Variants in VAV3 observed in about 807,000 individuals in gnomAD.
The protein encoded by VAV3 is vav guanine nucleotide exchange factor 3, also known as guanine nucleotide exchange factor VAV3.
Under a neutral mutation model 131.2 loss-of-function variants are expected in VAV3, and 94 were observed. The observed-to-expected ratio is 0.72, with a 90% CI of 0.61 to 0.85. The LOEUF (loss-of-function observed/expected upper bound fraction) is 0.85, where lower values mean the gene tolerates loss of function less well. VAV3 is among the 40% of genes least tolerant of loss of function. VAV3 has a pLI of 0.00. For missense variants in VAV3, 939 were observed against 1,002.7 expected (o/e 0.94, Z 0.86); for synonymous variants, 349 against 342.0 (o/e 1.02, Z -0.22).
intron 2 of VAV3, among the ~76,000 whole-genome samples, chr1:107,856,826 C>T (rs114815073): frequency 0.015 from 2,354 of 152,254 alleles, 47 homozygotes; most frequent in African/African-American, 0.044. Context: ...CACTTGAGCA[C>T]AGGAGTTCAA....
At chr1:107,823,218 A>C (rs954876687) in intron 2 of VAV3, among the ~76,000 whole-genome samples, 2 of 152,252 alleles carry the variant, frequency 1.3e-5, no homozygotes, top group Non-Finnish European at 2.9e-5. Context: ...GACATGAGGG[A>C]ATCAAGAATA....
intron 2 of VAV3, among the ~76,000 whole-genome samples, chr1:107,838,752 AC>A (rs1668575342): frequency 6.6e-6 from 1 of 152,302 alleles, no homozygotes; most frequent in African/African-American, 2.4e-5. Flanking sequence ...ACCATGGGAT[AC>A]TGTGCAGCCC....
At chr1:107,855,476 C>T (rs1669425989) in intron 2 of VAV3, among the ~76,000 whole-genome samples, 1 of 151,996 alleles carries the variant, frequency 6.6e-6, no homozygotes, top group Non-Finnish European at 1.5e-5. Flanking sequence ...TGTGGTTTTG[C>T]CATGTTGCCC....
At chr1:107,848,770 G>C (rs1021787687) in intron 2 of VAV3, among the ~76,000 whole-genome samples, 3 of 152,168 alleles carry the variant, frequency 2.0e-5, no homozygotes, top group Non-Finnish European at 4.4e-5. Flanking sequence ...AATAGGAAGA[G>C]AGGAAGTCAA....
At chr1:107,862,885 C>T (rs192637579) in intron 2 of VAV3, 11 of 151,568 alleles carry the variant, frequency 7.3e-5, no homozygotes, top group African/African-American at 2.7e-4. Context: ...AATGATAAAC[C>T]CCAAATTTCT....
intron 1 of VAV3, among the ~76,000 whole-genome samples, chr1:107,933,367 T>C (rs1673549646): frequency 1.3e-5 from 2 of 152,030 alleles, no homozygotes; most frequent in African/African-American, 4.8e-5. Context: ...AAGGATATCT[T>C]AGACTCATTG....
intron 20 of VAV3, among the ~76,000 whole-genome samples, chr1:107,638,768 A>G (rs973105440): frequency 3.3e-5 from 5 of 152,174 alleles, no homozygotes; most frequent in African/African-American, 1.2e-4. Flanking sequence ...ACATTGTCTG[A>G]CTTCAGGACG....
At chr1:107,650,709 C>T (rs917166209) in intron 19 of VAV3, among the ~76,000 whole-genome samples, 9 of 118,116 alleles carry the variant, frequency 7.6e-5, no homozygotes, top group South Asian at 3.6e-4. Context: ...TCCCTCCCCC[C>T]CCTCCCCCCA....
At chr1:107,576,766 T>C (rs1392977079) in intron 25 of VAV3, among the ~76,000 whole-genome samples, 1 of 152,174 alleles carries the variant, frequency 6.6e-6, no homozygotes, top group African/African-American at 2.4e-5. Flanking sequence ...TCCCACTTTG[T>C]TACATCAGTG....
intron 2 of VAV3, among the ~76,000 whole-genome samples, chr1:107,863,903 T>C (rs1222176097): frequency 6.6e-6 from 1 of 152,206 alleles, no homozygotes; most frequent in Non-Finnish European, 1.5e-5. Flanking sequence ...CTAGGTGATA[T>C]CTTTATCATG....
intron 2 of VAV3, among the ~76,000 whole-genome samples, chr1:107,793,463 G>T (rs1468643144): frequency 3.9e-5 from 6 of 152,200 alleles, no homozygotes; most frequent in Non-Finnish European, 7.4e-5. Flanking sequence ...CAGGTTCCAT[G>T]AGAGGAGGGA....
chr1:107,716,448 T>C (rs1274304364), intron 15 of VAV3, among the ~76,000 whole-genome samples: 2 of 152,180 alleles, frequency 1.3e-5, no homozygotes, highest in South Asian at 2.1e-4. Context: ...CATGAAGCGC[T>C]GTTCAATTTT....
chr1:107,842,986 TGAGAAAAAAGTA>T (rs1265470822), intron 2 of VAV3, among the ~76,000 whole-genome samples: 3 of 152,104 alleles, frequency 2.0e-5, no homozygotes, highest in Non-Finnish European at 4.4e-5. Flanking sequence ...GCAGACCTAC[TGAGAAAAAAGTA>T]GAGAAAAAAG....
intron 12 of VAV3, among the ~76,000 whole-genome samples, chr1:107,754,826 G>A (rs565207066): frequency 6.6e-6 from 1 of 152,206 alleles, no homozygotes; most frequent in Admixed American, 6.5e-5. Flanking sequence ...CTTTCCCCTA[G>A]ATCTTCGTGT....
At chr1:107,620,923 G>A (rs1322558822) in intron 20 of VAV3, among the ~76,000 whole-genome samples, 3 of 152,072 alleles carry the variant, frequency 2.0e-5, no homozygotes, top group South Asian at 2.1e-4. Context: ...GGAAGAGACC[G>A]TGGTTGTATA....
intron 15 of VAV3, among the ~76,000 whole-genome samples, chr1:107,741,244 C>T (rs1182320350): frequency 6.6e-6 from 1 of 152,208 alleles, no homozygotes; most frequent in Non-Finnish European, 1.5e-5. Flanking sequence ...AAACATGGGT[C>T]TTTCAAAAAT....
At chr1:107,606,789 T>C (rs2101125955) in intron 22 of VAV3, among the ~76,000 whole-genome samples, 1 of 147,146 alleles carries the variant, frequency 6.8e-6, no homozygotes, top group South Asian at 2.2e-4. Flanking sequence ...GTCTGCTCAC[T>C]CCAATGGTTT....
Position 107,653,576 on chromosome 1 carries a change from TC to T in VAV3, c.1778-10822del, listed in dbSNP as rs1234576846. Among the ~76,000 whole-genome samples, 3 of 152,056 alleles carry T rather than the reference TC, an allele frequency of 2.0e-5. No homozygotes were observed. In the East Asian group the frequency reaches 5.8e-4, roughly 29 times the overall value. ...CCCTTATTTTTATTTGAAGTTTTCCTCCTTAACCTTTTTCTGAAGTGAAAAA... is the reference window on the plus strand; with the variant it reads ...CCCTTATTTTTATTTGAAGTTTTCCTCTTAACCTTTTTCTGAAGTGAAAAA... On this transcript the variant is annotated intron_variant, in intron 19 of 26. Transcript: ENST00000370056.
chr1:107,911,696 G>A (rs150460103), intron 1 of VAV3, among the ~76,000 whole-genome samples: 2 of 152,308 alleles, frequency 1.3e-5, no homozygotes, highest in East Asian at 1.9e-4. Context: ...TTATCTGCCA[G>A]GGGAGAATTA....
Sources: gnomAD v4.1 joint callset for allele counts (sites outside exome capture counted in the v4.1 genomes callset) on GRCh38, gnomAD v4.1.1 for gene constraint, MANE v1.5 for transcripts, NCBI Gene and HGNC (gene_info 2026-07-23, HGNC 2026-07-21) for gene names.